MAP3K5: variants seen among roughly 807,000 people sequenced by gnomAD.
MAP3K5 encodes the protein mitogen-activated protein kinase kinase kinase 5.
A neutral mutation model predicts 158.7 loss-of-function variants in MAP3K5; 56 were observed. The ratio of observed to expected loss-of-function variants is 0.35; its 90% CI spans 0.28 to 0.44. MAP3K5 has a LOEUF of 0.44. MAP3K5 is among the 20% of genes least tolerant of loss of function. MAP3K5 has a pLI of 1.00. For synonymous variants in MAP3K5, 579 were observed against 601.7 expected (o/e 0.96, Z 0.55); for missense variants, 1,294 against 1,674.8 (o/e 0.77, Z 3.97).
At chr6:136,723,114 A>G (rs1346314537) in intron 1 of MAP3K5, among the ~76,000 whole-genome samples, 2 of 109,824 alleles carry the variant, frequency 1.8e-5, no homozygotes, top group Non-Finnish European at 3.8e-5. Context: ...CGTCCATTGA[A>G]AAAATATTTT....
intron 28 of MAP3K5, 108 bp from the exon 29 acceptor site, chr6:136,558,984 A>G: frequency 1.5e-6 from 1 of 664,910 alleles, no homozygotes. Flanking sequence ...GAATCTAAAA[A>G]TGAAATCTAC....
At position 136,694,128 on chromosome 6, in the gene MAP3K5, C is replaced by G; in HGVS notation, c.1253+12G>C. 1 of 1,604,282 alleles carries G rather than the reference C, an allele frequency of 6.2e-7. No homozygotes were observed. The highest frequency in any genetic ancestry group is 2.2e-5 in the East Asian group (1 of 44,788). ...ACTAAGTAAGTAGCTCATTTATATACTATTTACTTACCAAGAAGCTCCATG... is the reference window on the plus strand; with the variant it reads ...ACTAAGTAAGTAGCTCATTTATATAGTATTTACTTACCAAGAAGCTCCATG... On this transcript the variant is annotated intron_variant, in intron 7 of 29. Transcript: ENST00000359015.
At chr6:136,672,669 A>G (rs1779531668) in intron 7 of MAP3K5, among the ~76,000 whole-genome samples, 1 of 152,048 alleles carries the variant, frequency 6.6e-6, no homozygotes, top group East Asian at 1.9e-4. Context: ...AAAGAAGTCT[A>G]CAACAACCAT....
chr6:136,641,714 C>T (rs1162177659), intron 12 of MAP3K5, among the ~76,000 whole-genome samples: 4 of 150,776 alleles, frequency 2.7e-5, no homozygotes, highest in Non-Finnish European at 5.9e-5. Context: ...AGGGGCCGGG[C>T]GGAGTGGCTC....
At chr6:136,647,673 T>G (rs1254740091) in intron 11 of MAP3K5, 1 of 152,302 alleles carries the variant, frequency 6.6e-6, no homozygotes. Context: ...TGCCGGCCCC[T>G]GAACGTCCCA....
intron 7 of MAP3K5, among the ~76,000 whole-genome samples, chr6:136,690,891 A>C (rs1780355241): frequency 6.6e-6 from 1 of 152,186 alleles, no homozygotes; most frequent in Admixed American, 6.5e-5. Context: ...TGCTGGCAAC[A>C]AATTATCTCA....
intron 8 of MAP3K5, among the ~76,000 whole-genome samples, chr6:136,660,201 G>C (rs1440604632): frequency 3.3e-5 from 5 of 152,054 alleles, no homozygotes; most frequent in Non-Finnish European, 5.9e-5. Flanking sequence ...TATTTCGCAA[G>C]AATAAAATGC....
intron 26 of MAP3K5, among the ~76,000 whole-genome samples, chr6:136,566,361 C>T (rs1393170852): frequency 1.3e-5 from 2 of 152,162 alleles, no homozygotes; most frequent in Non-Finnish European, 2.9e-5. Flanking sequence ...AGGAGGTCAA[C>T]CAAAACAGTA....
chr6:136,715,265 C>T (rs1334105540), intron 2 of MAP3K5, among the ~76,000 whole-genome samples: 1 of 152,118 alleles, frequency 6.6e-6, no homozygotes, highest in African/African-American at 2.4e-5. Flanking sequence ...AAAAAAGACA[C>T]TAAAAATATT....
chr6:136,557,686 T>C lies in MAP3K5; in HGVS notation c.*72A>G. On this transcript the variant is annotated 3_prime_UTR_variant, in exon 30 of 30. Transcript: ENST00000359015. ...AGCGCCTTTCTCCTCTCCCTTCGAT[T>C]TTCCCACCCCCAAGAAGATCAGCTC... is the stretch of plus-strand genomic sequence containing the variant. 1 of 1,115,108 alleles carries C rather than the reference T, an allele frequency of 9.0e-7. No individual in the cohort carries two copies. The highest frequency in any genetic ancestry group is 1.7e-5 in the Admixed American group (1 of 58,416). 69.1% of individuals were successfully genotyped at this position (1,115,108 alleles called of 1,614,324 possible).
At chr6:136,706,342 C>T (rs1781076699) in intron 2 of MAP3K5, among the ~76,000 whole-genome samples, 1 of 152,016 alleles carries the variant, frequency 6.6e-6, no homozygotes, top group Non-Finnish European at 1.5e-5. Flanking sequence ...TGAGATCATA[C>T]AAATAATATA....
At chr6:136,652,432 C>A (rs1400954206) in intron 10 of MAP3K5, among the ~76,000 whole-genome samples, 2 of 152,140 alleles carry the variant, frequency 1.3e-5, no homozygotes, top group South Asian at 4.1e-4. Flanking sequence ...CAAACTCACC[C>A]AGTGAATCAA....
intron 26 of MAP3K5, among the ~76,000 whole-genome samples, chr6:136,562,921 T>C (rs1229822559): frequency 6.6e-6 from 1 of 151,024 alleles, no homozygotes; most frequent in African/African-American, 2.4e-5. Flanking sequence ...CCAGTGGTCT[T>C]TCCACCTCAG....
intron 1 of MAP3K5, among the ~76,000 whole-genome samples, chr6:136,736,753 T>A (rs1035517627): frequency 1.3e-5 from 2 of 152,028 alleles, no homozygotes; most frequent in African/African-American, 4.8e-5. Flanking sequence ...TGCAATGGTA[T>A]GGTCATAGCT....
At chr6:136,638,148 G>A (rs1777738178) in intron 13 of MAP3K5, among the ~76,000 whole-genome samples, 1 of 152,066 alleles carries the variant, frequency 6.6e-6, no homozygotes, top group Admixed American at 6.6e-5. Flanking sequence ...ATAACAGTTT[G>A]CGCTATTAAA....
At chr6:136,652,545 C>T (rs950832733) in intron 10 of MAP3K5, among the ~76,000 whole-genome samples, 3 of 152,078 alleles carry the variant, frequency 2.0e-5, no homozygotes, top group Non-Finnish European at 4.4e-5. Context: ...ATCTGAGTAT[C>T]GCAATGTATA....
chr6:136,789,620 T>A (rs1353665355), intron 1 of MAP3K5, among the ~76,000 whole-genome samples: 2 of 151,626 alleles, frequency 1.3e-5, no homozygotes, highest in East Asian at 3.9e-4. Flanking sequence ...CTTCCCTTGA[T>A]TCTGAGAGTA....
chr6:136,683,357 C>T (rs1478437798), intron 7 of MAP3K5, among the ~76,000 whole-genome samples: 2 of 152,214 alleles, frequency 1.3e-5, no homozygotes, highest in African/African-American at 4.8e-5. Context: ...CCTCAGTTCC[C>T]CTCGACACTG....
Position 136,584,733 on chromosome 6 carries a change from A to G in MAP3K5, c.3226-993T>C, listed in dbSNP as rs537067046. Among the ~76,000 whole-genome samples the G allele has an allele frequency of 3.3e-5, 5 of 152,276 alleles. No individual in the cohort carries two copies. The South Asian group carries it at 1.0e-3, about 32-fold the overall frequency. ...TGGACAAGAACAGAAATGCACACCA[A>G]GCAGGTCAACAGCAACCAAGCCAGA... On this transcript the variant is annotated intron_variant, in intron 23 of 29. Transcript: ENST00000359015.
Sources: gnomAD v4.1 joint callset for allele counts (sites outside exome capture counted in the v4.1 genomes callset) on GRCh38, gnomAD v4.1.1 for gene constraint, MANE v1.5 for transcripts, NCBI Gene and HGNC (gene_info 2026-07-23, HGNC 2026-07-21) for gene names.